CREB5: variants seen among roughly 807,000 people sequenced by gnomAD.
CREB5 encodes the protein cyclic AMP-responsive element-binding protein 5.
Under a neutral mutation model 57.1 loss-of-function variants are expected in CREB5, and 19 were observed. That is an observed-to-expected ratio of 0.33 (90% CI 0.23 to 0.49). CREB5 has a LOEUF of 0.49. Among genes scored for constraint, CREB5 ranks in the 20% least tolerant of loss-of-function variants. The pLI, the probability that CREB5 is intolerant of heterozygous loss-of-function variation, is 0.99. For synonymous variants in CREB5, 238 were observed against 238.3 expected, an observed-to-expected ratio of 1.00 and a Z score of 0.01; for missense variants, 579 against 671.6, an observed-to-expected ratio of 0.86 and a Z score of 1.52.
intron 4 of CREB5, among the ~76,000 whole-genome samples, chr7:28,560,881 T>TGCGCGCGC (rs1388491335): frequency 2.2e-5 from 1 of 46,242 alleles, no homozygotes; most frequent in East Asian, 5.3e-4. Flanking sequence ...TGCGCGTGCG[T>TGCGCGCGC]GCGTGCGTGT....
intron 1 of CREB5, among the ~76,000 whole-genome samples, chr7:28,364,587 C>A (rs1287438251): frequency 6.6e-6 from 1 of 152,114 alleles, no homozygotes; most frequent in Admixed American, 6.5e-5. Flanking sequence ...TGCTCCAGAC[C>A]CCCTCCAGTG....
chr7:28,332,945 G>A lies in CREB5; in HGVS notation c.-25+33504G>A, dbSNP rs545750521. ...ATACTGTATATATCACCAATATAAT[G>A]AGACTATTTTTGCTTTTGACTTGAA... On this transcript the variant is annotated intron_variant, in intron 1 of 9. Transcript: ENST00000396299. Among the ~76,000 whole-genome samples, 28 of 152,252 alleles carry A rather than the reference G, an allele frequency of 1.8e-4. 1 individual carries two copies. In the South Asian group the frequency reaches 2.5e-3, roughly 14 times the overall value.
At chr7:28,769,291 AC>A (rs1294704776) in intron 7 of CREB5, among the ~76,000 whole-genome samples, 2 of 152,232 alleles carry the variant, frequency 1.3e-5, no homozygotes, top group African/African-American at 4.8e-5. Context: ...CTACAAGGTG[AC>A]TATAATAAAC....
At chr7:28,553,320 G>A (rs1008584884) in intron 4 of CREB5, among the ~76,000 whole-genome samples, 4 of 152,152 alleles carry the variant, frequency 2.6e-5, no homozygotes, top group African/African-American at 9.7e-5. Context: ...GCCTTTCATG[G>A]ATGCCTTGTG....
rs70977046 is a variant in CREB5 at position 28,489,296 on chromosome 7, C to CTTTTTTTT, written c.75+1064_75+1071dup. Among the ~76,000 whole-genome samples, 32 of 96,636 alleles carry CTTTTTTTT rather than the reference C, an allele frequency of 3.3e-4. 1 individual carries two copies. Among genetic ancestry groups the CTTTTTTTT allele is most frequent in the African/African-American group, 9.6e-4 (22 of 22,924 alleles). 63.4% of individuals were successfully genotyped at this position (96,636 alleles called of 152,430 possible). A position where few individuals can be genotyped will look rare whatever the true frequency, so the allele number is the denominator to read the frequency against. On this transcript the variant is annotated intron_variant, in intron 2 of 10. Coordinates refer to ENST00000357727, the MANE Select transcript of CREB5 (RefSeq NM_182898.4). The stretch of plus-strand genomic sequence containing the variant: ...TAAGAAGGATTCATTGAGGACCCTT[C>CTTTTTTTT]TTTTTTTTTTTTTTTTTTTTTGAGA...
At chr7:28,444,836 T>C (rs1368668062) in intron 1 of CREB5, among the ~76,000 whole-genome samples, 1 of 152,200 alleles carries the variant, frequency 6.6e-6, no homozygotes, top group Non-Finnish European at 1.5e-5. Flanking sequence ...CCTGAAACCA[T>C]AGCAGAGTGG....
chr7:28,601,562 T>C (rs1385961496), intron 5 of CREB5, among the ~76,000 whole-genome samples: 2 of 152,182 alleles, frequency 1.3e-5, no homozygotes, highest in Non-Finnish European at 2.9e-5. Flanking sequence ...TCAAAAGATA[T>C]TTGTAATGTG....
chr7:28,740,405 G>A (rs1804265569), intron 7 of CREB5, among the ~76,000 whole-genome samples: 1 of 152,120 alleles, frequency 6.6e-6, no homozygotes, highest in Non-Finnish European at 1.5e-5. Flanking sequence ...GCGAAGTGCA[G>A]GTGAGGTCTT....
chr7:28,518,315 A>G (rs184212588), intron 4 of CREB5, among the ~76,000 whole-genome samples: 111 of 152,322 alleles, frequency 7.3e-4, no homozygotes, highest in African/African-American at 2.1e-3. Flanking sequence ...TCACTTCCCC[A>G]AAGAAGAAAA....
chr7:28,771,319 A>G (rs564787564), intron 7 of CREB5, among the ~76,000 whole-genome samples: 105 of 152,236 alleles, frequency 6.9e-4, no homozygotes, highest in African/African-American at 2.4e-3. Context: ...AGACTTTTCA[A>G]TGAAAAAAAT....
At chr7:28,802,355 A>T (rs1808423679) in intron 7 of CREB5, among the ~76,000 whole-genome samples, 1 of 151,916 alleles carries the variant, frequency 6.6e-6, no homozygotes, top group African/African-American at 2.4e-5. Flanking sequence ...GAGGCTCTTT[A>T]TGTTTAATTA....
chr7:28,353,842 CA>C (rs3041002), intron 1 of CREB5, among the ~76,000 whole-genome samples: 88 of 137,558 alleles, frequency 6.4e-4, no homozygotes, highest in Middle Eastern at 3.7e-3. Context: ...GACTCCATCT[CA>C]AAAAAAAAAA....
At chr7:28,446,674 C>T (rs1014637309) in intron 1 of CREB5, among the ~76,000 whole-genome samples, 8 of 152,100 alleles carry the variant, frequency 5.3e-5, no homozygotes, top group Non-Finnish European at 1.2e-4. Flanking sequence ...TGCCTGTAGG[C>T]CCAGCTACTT....
chr7:28,335,568 A>C lies in CREB5; in HGVS notation c.-25+36127A>C, dbSNP rs142477389. Among the ~76,000 whole-genome samples the C allele has an allele frequency of 1.5e-3, 221 of 151,952 alleles. 2 individuals are homozygous for C. The East Asian group carries it at 0.041, about 28-fold the overall frequency. On this transcript the variant is annotated intron_variant, in intron 1 of 9. Coordinates refer to the CREB5 transcript ENST00000396299. ...ATTTTGTATCCTGCAACTTTACTGA[A>C]TTTGTCACTTCTAGTAGTTTTCTTT... is the stretch of plus-strand genomic sequence containing the variant.
intron 1 of CREB5, among the ~76,000 whole-genome samples, chr7:28,479,622 T>G (rs540616425): frequency 2.6e-5 from 4 of 152,354 alleles, no homozygotes; most frequent in African/African-American, 9.6e-5. Flanking sequence ...ATTTTTACCC[T>G]GTGTTCAACG....
chr7:28,466,841 C>T lies in CREB5; in HGVS notation c.4-21334C>T, dbSNP rs533452099. ...AATGTAGTGCTCATATGGTTCTGGG[C>T]GTCAGAACATGATTACATATTCCTC... On this transcript the variant is annotated intron_variant, in intron 1 of 10. Coordinates refer to ENST00000357727, the MANE Select transcript of CREB5 (RefSeq NM_182898.4). Among the ~76,000 whole-genome samples, 4 of 152,214 alleles carry T rather than the reference C, an allele frequency of 2.6e-5. No individual in the cohort carries two copies. The East Asian group carries it at 5.8e-4, about 22-fold the overall frequency.
At chr7:28,504,358 C>T (rs1792389564) in intron 3 of CREB5, among the ~76,000 whole-genome samples, 1 of 152,192 alleles carries the variant, frequency 6.6e-6, no homozygotes, top group Non-Finnish European at 1.5e-5. Flanking sequence ...CAGCTCCAGC[C>T]CCAGTGATTT....
intron 4 of CREB5, among the ~76,000 whole-genome samples, chr7:28,535,637 AAAGAG>A (rs1009386667): frequency 4.6e-5 from 7 of 152,028 alleles, no homozygotes; most frequent in Non-Finnish European, 1.5e-5. Flanking sequence ...GAGGAAGGAA[AAAGAG>A]AAGGGAAGGA....
chr7:28,764,245 A>G (rs550411006), intron 7 of CREB5, among the ~76,000 whole-genome samples: 2 of 151,864 alleles, frequency 1.3e-5, no homozygotes, highest in African/African-American at 4.8e-5. Flanking sequence ...TTCTCTTATT[A>G]TTTTTTTTAA....
Sources: allele counts gnomAD v4.1 joint callset (sites outside exome capture counted in the v4.1 genomes callset), GRCh38; gene constraint gnomAD v4.1.1; transcripts MANE v1.5; gene names NCBI Gene and HGNC (gene_info 2026-07-23, HGNC 2026-07-21).